The following AATF variants were observed in gnomAD, a reference collection of about 807,000 sequenced individuals.
AATF encodes the protein protein AATF.
A neutral mutation model predicts 63.7 loss-of-function variants in AATF; 48 were observed. That is an observed-to-expected ratio of 0.75 (90% CI 0.60 to 0.96). The LOEUF (loss-of-function observed/expected upper bound fraction) is 0.96. AATF is among the 40% of genes least tolerant of loss of function. The probability of loss-of-function intolerance (pLI) is 0.00; values close to 1 mark genes in which losing one functional copy is unlikely to be tolerated. For synonymous variants in AATF, 258 were observed against 247.7 expected (o/e 1.04, Z -0.39); for missense variants, 639 against 685.7 (o/e 0.93, Z 0.76).
intron 11 of AATF, among the ~76,000 whole-genome samples, chr17:37,046,731 A>ACCCCC (rs1567997126): frequency 5.8e-5 from 1 of 17,368 alleles, no homozygotes; most frequent in African/African-American, 3.4e-4. Flanking sequence ...TGCTCCCCCA[A>ACCCCC]CACACACACA....
intron 4 of AATF, among the ~76,000 whole-genome samples, chr17:36,978,777 C>T (rs541683872): frequency 4.0e-5 from 6 of 151,742 alleles, no homozygotes; most frequent in Non-Finnish European, 5.9e-5. Context: ...AATTTGTAAC[C>T]TGCAGTCCTC....
At chr17:36,981,557 C>A (rs563119019) in intron 4 of AATF, among the ~76,000 whole-genome samples, 2 of 151,648 alleles carry the variant, frequency 1.3e-5, no homozygotes, top group Non-Finnish European at 2.9e-5. Context: ...GATCCTCCCA[C>A]CTCAGCCTCC....
chr17:36,988,688 A>G lies in AATF; in HGVS notation c.1117A>G (p.Lys373Glu), dbSNP rs1197518880. ...RNRTLQKWHD[K>E]TKLASGKLGK... is the part of the protein sequence containing the mutation. ...CCGCACACTTCAGAAATGGCACGAT[A>G]AGACCAAACTGGCTTCTGGAAAACT... The change falls in exon 6 of 12, where the codon AAG becomes GAG. Residue 373 changes from lysine (K) to glutamate (E), a missense_variant. Coordinates refer to ENST00000619387, the MANE Select transcript of AATF (RefSeq NM_012138.4). The G allele has an allele frequency of 3.7e-6, 6 of 1,613,888 alleles. No homozygotes were observed. Among genetic ancestry groups the G allele is most frequent in the African/African-American group, 1.3e-5 (1 of 74,908 alleles).
chr17:36,992,212 T>G (rs545946063), intron 8 of AATF, among the ~76,000 whole-genome samples: 81 of 152,316 alleles, frequency 5.3e-4, no homozygotes, highest in African/African-American at 1.9e-3. Context: ...GAAAGAGACT[T>G]TCTATTAATT....
chr17:36,993,164 C>T (rs1348241079), intron 8 of AATF, among the ~76,000 whole-genome samples: 3 of 152,182 alleles, frequency 2.0e-5, no homozygotes, highest in South Asian at 2.1e-4. Context: ...CAGCGGGCTA[C>T]GACAGCTTAT....
chr17:37,012,751 G>A (rs2071401419), intron 8 of AATF, among the ~76,000 whole-genome samples: 1 of 152,062 alleles, frequency 6.6e-6, no homozygotes, highest in Non-Finnish European at 1.5e-5. Context: ...AGCTCAGTGG[G>A]GTAAGTAGTC....
At position 36,953,082 on chromosome 17, in the gene AATF, T is replaced by TA. The variant is rs754705200; in HGVS notation, c.481dup (p.Thr161AsnfsTer6). 8 of 1,614,056 alleles carry TA rather than the reference T, an allele frequency of 5.0e-6. No individual in the cohort carries two copies. The highest frequency in any genetic ancestry group is 6.8e-6 in the Non-Finnish European group (8 of 1,180,014). On this transcript the variant is annotated frameshift_variant, in exon 3 of 12. Coordinates refer to ENST00000619387, the MANE Select transcript of AATF (RefSeq NM_012138.4). LOFTEE classifies it high-confidence loss of function. ...AGAGTATCAGTGACTTTGAGAAATT[T>TA]ACCAAGGGAATGGATGACCTTGGGA...
intron 8 of AATF, among the ~76,000 whole-genome samples, chr17:37,005,290 A>G (rs1225502901): frequency 1.3e-5 from 2 of 152,158 alleles, no homozygotes; most frequent in Non-Finnish European, 2.9e-5. Flanking sequence ...TTCAGGGTGT[A>G]TATCAGGGGT....
intron 8 of AATF, among the ~76,000 whole-genome samples, chr17:37,013,517 C>T (rs34607812): frequency 6.6e-6 from 1 of 152,146 alleles, no homozygotes; most frequent in African/African-American, 2.4e-5. Flanking sequence ...GTGCAGAGAT[C>T]ACGTGGCAAG....
At chr17:36,993,934 T>A (rs993915593) in intron 8 of AATF, among the ~76,000 whole-genome samples, 4 of 152,234 alleles carry the variant, frequency 2.6e-5, no homozygotes, top group African/African-American at 9.6e-5. Flanking sequence ...CATTCTTTGT[T>A]TCTTAATGGG....
chr17:37,020,791 C>A, intron 9 of AATF, 143 bp from the exon 10 acceptor site: 1 of 564,238 alleles, frequency 1.8e-6, no homozygotes, highest in Non-Finnish European at 3.0e-6. Context: ...ATTGATTAGT[C>A]AGTTTGGCCC....
chr17:36,993,976 TG>T (rs1747767895), intron 8 of AATF, among the ~76,000 whole-genome samples: 1 of 152,188 alleles, frequency 6.6e-6, no homozygotes, highest in African/African-American at 2.4e-5. Flanking sequence ...AAAATATACT[TG>T]TATTATTTAA....
intron 4 of AATF, among the ~76,000 whole-genome samples, chr17:36,954,740 A>C (rs1442621626): frequency 2.0e-5 from 3 of 152,334 alleles, no homozygotes; most frequent in Non-Finnish European, 1.5e-5. Flanking sequence ...CCAAAGTTGC[A>C]GAGCTTATTT....
chr17:36,997,600 C>G (rs986819849), intron 8 of AATF, among the ~76,000 whole-genome samples: 2 of 152,148 alleles, frequency 1.3e-5, no homozygotes, highest in Non-Finnish European at 2.9e-5. Flanking sequence ...ATGTAGTGAA[C>G]AGGGAACACT....
At chr17:36,977,803 G>A (rs2071090289) in intron 4 of AATF, among the ~76,000 whole-genome samples, 1 of 152,072 alleles carries the variant, frequency 6.6e-6, no homozygotes, top group African/African-American at 2.4e-5. Flanking sequence ...GTTTAAAGGG[G>A]GAGAGTAAAT....
chr17:37,018,927 G>T, intron 8 of AATF, 78 bp from the exon 9 acceptor site: 1 of 1,203,162 alleles, frequency 8.3e-7, no homozygotes. Flanking sequence ...ATGCCATTCA[G>T]AATTCCTTCT....
At chr17:37,036,302 G>A (rs149098231) in intron 11 of AATF, among the ~76,000 whole-genome samples, 5 of 152,184 alleles carry the variant, frequency 3.3e-5, no homozygotes, top group South Asian at 2.1e-4. Context: ...GTCCAGTTGC[G>A]TATCCTTGAA....
At chr17:37,043,598 C>T (rs148683959) in intron 11 of AATF, among the ~76,000 whole-genome samples, 2 of 152,200 alleles carry the variant, frequency 1.3e-5, no homozygotes, top group Non-Finnish European at 2.9e-5. Context: ...GTACTGTAAT[C>T]TTGTATTTGG....
chr17:37,048,081 T>G (rs183505206), intron 11 of AATF, among the ~76,000 whole-genome samples: 1 of 151,916 alleles, frequency 6.6e-6, no homozygotes, highest in African/African-American at 2.4e-5. Flanking sequence ...TTTATGGGGG[T>G]TTTTGTTGTT....
Sources: gnomAD v4.1 joint callset for allele counts (sites outside exome capture counted in the v4.1 genomes callset) on GRCh38, gnomAD v4.1.1 for gene constraint, MANE v1.5 for transcripts, NCBI Gene and HGNC (gene_info 2026-07-23, HGNC 2026-07-21) for gene names.